Variants in COL17A1 observed in about 807,000 individuals in gnomAD.
The protein encoded by COL17A1 is collagen type XVII alpha 1 chain.
A neutral mutation model predicts 218.4 loss-of-function variants in COL17A1; 181 were observed. The ratio of observed to expected loss-of-function variants is 0.83; its 90% CI spans 0.73 to 0.94. COL17A1 has a LOEUF of 0.94. Ranked by LOEUF, COL17A1 falls within the 40% of genes least tolerant of loss-of-function variation. COL17A1 has a pLI of 0.00. For synonymous variants in COL17A1, 721 were observed against 731.0 expected (o/e 0.99, Z 0.22); for missense variants, 1,924 against 1,945.9 (o/e 0.99, Z 0.21).
At chr10:104,075,008 T>C (rs1260754404) in intron 5 of COL17A1, among the ~76,000 whole-genome samples, 1 of 152,220 alleles carries the variant, frequency 6.6e-6, no homozygotes, top group Non-Finnish European at 1.5e-5. Flanking sequence ...GAGCACTCTC[T>C]TGTGTTGACC....
chr10:104,032,745 C>T lies in COL17A1; in HGVS notation c.4367G>A (p.Gly1456Asp). The change falls in exon 55 of 56, where the codon GGC (glycine) becomes GAC (aspartate). Residue 1456 changes from glycine (G) to aspartate (D), a missense_variant. Coordinates refer to ENST00000648076, the MANE Select transcript of COL17A1 (RefSeq NM_000494.4). ...MGTPGPKGDR[G>D]PAGPPGHPGP... ...AGGATGACCTGGTGGCCCAGCAGGGCCCCTGTCACCTGGAAGGAAAAATGG... is the reference window on the plus strand; with the variant it reads ...AGGATGACCTGGTGGCCCAGCAGGGTCCCTGTCACCTGGAAGGAAAAATGG... The T allele has an allele frequency of 1.2e-6, 2 of 1,614,170 alleles. No homozygotes were observed. Among genetic ancestry groups the T allele is most frequent in the African/African-American group, 1.3e-5 (1 of 75,054 alleles).
intron 2 of COL17A1, among the ~76,000 whole-genome samples, chr10:104,078,863 G>C (rs761066953): frequency 1.3e-5 from 2 of 152,172 alleles, no homozygotes; most frequent in African/African-American, 2.4e-5. Context: ...TGCTGTTGAT[G>C]TCTCTCCTTG....
intron 39 of COL17A1, 28 bp downstream of exon 39, chr10:104,041,037 C>T (rs749935802): frequency 1.9e-6 from 3 of 1,613,950 alleles, no homozygotes; most frequent in Non-Finnish European, 2.5e-6. Flanking sequence ...AGGTGGAGAA[C>T]AGGTGCGACT....
chr10:104,061,384 G>A (rs760706128), intron 13 of COL17A1, 21 bp downstream of exon 13: 29 of 1,610,106 alleles, frequency 1.8e-5, no homozygotes, highest in Admixed American at 6.7e-5. Flanking sequence ...CTGAACCCTG[G>A]CAGCTGGGAG....
chr10:104,071,917 T>C (rs2086672220), intron 8 of COL17A1, 115 bp downstream of exon 8: 3 of 1,479,758 alleles, frequency 2.0e-6, no homozygotes, highest in South Asian at 1.2e-5. Context: ...TGCATGCATG[T>C]ACATACATGT....
chr10:104,055,686 G>C, intron 18 of COL17A1, 96 bp downstream of exon 18: 2 of 1,516,776 alleles, frequency 1.3e-6, no homozygotes, highest in Non-Finnish European at 1.8e-6. Flanking sequence ...AGAGTGGGCC[G>C]GATGATGGTG....
At position 104,078,525 on chromosome 10, in the gene COL17A1, T is replaced by G. The variant is rs953702387; in HGVS notation, c.97+17A>C. Reference sequence around the variant, plus strand: ...ATGTGACCTACTGAAAAGAAAGCTATTGAGGTAGTTACTTACTTGGTGGTA... The same window carrying G: ...ATGTGACCTACTGAAAAGAAAGCTAGTGAGGTAGTTACTTACTTGGTGGTA... On this transcript the variant is annotated intron_variant, in intron 3 of 55. Coordinates refer to ENST00000648076, the MANE Select transcript of COL17A1 (RefSeq NM_000494.4). 21 of 1,613,998 alleles carry G rather than the reference T, an allele frequency of 1.3e-5. No individual in the cohort carries two copies. The East Asian group carries it at 2.0e-4, about 15-fold the overall frequency.
chr10:104,080,813 A>G (rs2086758410), intron 1 of COL17A1, 129 bp from the exon 2 acceptor site: 6 of 951,710 alleles, frequency 6.3e-6, no homozygotes, highest in South Asian at 1.4e-5. Context: ...TTTCACGTGA[A>G]TATTTTTTAT....
intron 15 of COL17A1, among the ~76,000 whole-genome samples, chr10:104,058,646 T>A (rs1225364878): frequency 6.6e-6 from 1 of 152,010 alleles, no homozygotes; most frequent in African/African-American, 2.4e-5. Flanking sequence ...GAAAGTTGAG[T>A]GTTTAGGCCA....
Position 104,032,758 on chromosome 10 carries a change from GAAGGAAAAATGGGGCGTAACT to G in COL17A1, c.4358-25_4358-5del, listed in dbSNP as rs748257235. The G allele has an allele frequency of 7.4e-6, 12 of 1,614,170 alleles. No individual in the cohort carries two copies. In the African/African-American group the frequency reaches 1.6e-4, roughly 22 times the overall value. On this transcript the variant is annotated splice_region_variant and splice_polypyrimidine_tract_variant and intron_variant, in intron 54 of 55. Coordinates refer to ENST00000648076, the MANE Select transcript of COL17A1 (RefSeq NM_000494.4). ...GGCCCAGCAGGGCCCCTGTCACCTG[GAAGGAAAAATGGGGCGTAACT>G]AAGTAATACATGAGTCTGGGGACTG...
intron 45 of COL17A1, 78 bp from the exon 46 acceptor site, chr10:104,037,851 A>G (rs2086316413): frequency 2.6e-6 from 4 of 1,550,338 alleles, no homozygotes; most frequent in Non-Finnish European, 3.5e-6. Flanking sequence ...CCTGAAGCAC[A>G]TGATAACATG....
chr10:104,040,091 G>C (rs1395194476), intron 40 of COL17A1, 92 bp from the exon 41 acceptor site: 2 of 1,431,470 alleles, frequency 1.4e-6, no homozygotes, highest in Non-Finnish European at 2.0e-6. Context: ...GGGCTCCAAT[G>C]CTAGAGCAGA....
chr10:104,040,127 T>C lies in COL17A1; in HGVS notation c.2762-128A>G, dbSNP rs1285149423. On this transcript the variant is annotated intron_variant, in intron 40 of 55. Transcript: ENST00000648076. Reference sequence around the variant, plus strand: ...TATAGAACTTGGGGTTCCTTGTGCCTCTCCTCTCACTAGGCCAATGTTGGG... The same window carrying C: ...TATAGAACTTGGGGTTCCTTGTGCCCCTCCTCTCACTAGGCCAATGTTGGG... 4.3e-6 allele frequency: 5 copies of C among 1,154,070 alleles called. No homozygotes were observed. In the Admixed American group the frequency reaches 7.2e-5, roughly 17 times the overall value. 71.5% of individuals were successfully genotyped at this position (1,154,070 alleles called of 1,614,324 possible). A position where few individuals can be genotyped will look rare whatever the true frequency, so the allele number is the denominator to read the frequency against.
intron 30 of COL17A1, 105 bp from the exon 31 acceptor site, chr10:104,047,915 G>C: frequency 7.3e-7 from 1 of 1,378,848 alleles, no homozygotes. Flanking sequence ...TTGACTTGCT[G>C]GCAGGTGGAA....
chr10:104,043,984 A>G, intron 33 of COL17A1, 124 bp from the exon 34 acceptor site: 1 of 1,060,392 alleles, frequency 9.4e-7, no homozygotes, highest in Admixed American at 1.7e-5. Flanking sequence ...ATCAGGCTAA[A>G]GGCATTTTAA....
In COL17A1 at chr10:104,044,697, C is replaced by T. The variant is rs182633128; in HGVS notation, c.2399-837G>A. Among the ~76,000 whole-genome samples the T allele has an allele frequency of 4.1e-4, 63 of 152,180 alleles. 1 individual carries two copies. The highest frequency in any genetic ancestry group is 3.4e-3 in the Middle Eastern group (1 of 294). ...TTTTGTTGGGATGCAATCCAACGTT[C>T]GGTAAAATGGCCCCTCTTGTGCATG... On this transcript the variant is annotated intron_variant, in intron 33 of 55. Transcript: ENST00000648076.
At chr10:104,079,723 T>A (rs1225049148) in intron 2 of COL17A1, among the ~76,000 whole-genome samples, 2 of 152,102 alleles carry the variant, frequency 1.3e-5, no homozygotes, top group Non-Finnish European at 2.9e-5. Context: ...GTCAGGAGTT[T>A]GAGACCAGCC....
chr10:104,083,162 G>A (rs2086779524), intron 1 of COL17A1, among the ~76,000 whole-genome samples: 1 of 152,176 alleles, frequency 6.6e-6, no homozygotes, highest in Non-Finnish European at 1.5e-5. Flanking sequence ...GCCTGGACTA[G>A]GATCTTCCCA....
Position 104,057,130 on chromosome 10 carries a change from C to T in COL17A1, c.1310G>A (p.Gly437Glu), listed in dbSNP as rs375759161. 32 of 1,603,108 alleles carry T rather than the reference C, an allele frequency of 2.0e-5. No individual in the cohort carries two copies. Among genetic ancestry groups the T allele is most frequent in the African/African-American group, 6.1e-5 (4 of 65,256 alleles). Reference protein sequence around the residue: ...YGSSGGGGSGGGGGVGGAGGG... With the variant: ...YGSSGGGGSGEGGGVGGAGGG... ...GCCAGCGCCACCAACACCGCCACCT[C>T]CTCCACTGCCACCACCACCACTGCT... is the stretch of plus-strand genomic sequence containing the variant. The change falls in exon 17 of 56, where the codon GGA (glycine) becomes GAA (glutamate). Residue 437 changes from glycine to glutamate, a missense_variant. By Grantham distance (98) the Gly-to-Glu change is moderately conservative (BLOSUM62 -2). Transcript: ENST00000648076.
Sources: allele counts gnomAD v4.1 joint callset (sites outside exome capture counted in the v4.1 genomes callset), GRCh38; gene constraint gnomAD v4.1.1; transcripts MANE v1.5; gene names NCBI Gene and HGNC (gene_info 2026-07-23, HGNC 2026-07-21).